The following TRPM8 variants were observed in gnomAD, a reference collection of about 807,000 sequenced individuals.
TRPM8 encodes transient receptor potential cation channel subfamily M member 8, also known as TRPM8 cationic channel.
TRPM8 carries 110 observed loss-of-function variants against 133.7 expected under a neutral mutation model. That is an observed-to-expected ratio of 0.82 (90% CI 0.70 to 0.96). The LOEUF (loss-of-function observed/expected upper bound fraction) is 0.96, where lower values mean the gene tolerates loss of function less well. TRPM8 is among the 40% of genes least tolerant of loss of function. The probability of loss-of-function intolerance (pLI) is 0.00; values close to 1 mark genes in which losing one functional copy is unlikely to be tolerated. For missense variants in TRPM8, 1,291 were observed against 1,379.5 expected, an observed-to-expected ratio of 0.94 and a Z score of 1.02; for synonymous variants, 535 against 532.3, an observed-to-expected ratio of 1.01 and a Z score of -0.07.
intron 3 of TRPM8, among the ~76,000 whole-genome samples, chr2:233,936,150 T>G (rs1367881920): frequency 2.6e-5 from 4 of 152,078 alleles, no homozygotes; most frequent in African/African-American, 9.7e-5. Context: ...AGGTGTTTTG[T>G]TTGTTTCTCT....
intron 3 of TRPM8, among the ~76,000 whole-genome samples, chr2:233,932,413 C>A (rs1691698619): frequency 6.6e-6 from 1 of 152,092 alleles, no homozygotes; most frequent in Non-Finnish European, 1.5e-5. Flanking sequence ...TTGCTTGGAG[C>A]ATGTGCCTAT....
intron 22 of TRPM8, 41 bp from the exon 23 acceptor site, chr2:234,006,812 A>T: frequency 6.7e-7 from 1 of 1,485,902 alleles, no homozygotes; most frequent in South Asian, 1.2e-5. Context: ...GCAAGGGGCA[A>T]ATGAAACAAT....
intron 17 of TRPM8, 24 bp downstream of exon 17, chr2:233,970,450 A>G (rs1341194532): frequency 3.1e-6 from 5 of 1,606,582 alleles, no homozygotes; most frequent in Non-Finnish European, 4.3e-6. Flanking sequence ...GACAGCAGGA[A>G]CCCCCTCGCT....
intron 17 of TRPM8, among the ~76,000 whole-genome samples, chr2:233,979,270 C>G (rs1380896174): frequency 2.0e-5 from 3 of 152,172 alleles, no homozygotes; most frequent in African/African-American, 7.2e-5. Flanking sequence ...TCATACCGAT[C>G]TTCGTGTCGT....
At chr2:234,004,951 G>T (rs937806572) in intron 22 of TRPM8, among the ~76,000 whole-genome samples, 13 of 152,114 alleles carry the variant, frequency 8.5e-5, no homozygotes, top group African/African-American at 3.1e-4. Flanking sequence ...CTTCAATCGT[G>T]GAGTAGTATT....
intron 17 of TRPM8, among the ~76,000 whole-genome samples, chr2:233,971,154 C>T (rs1309551443): frequency 6.6e-6 from 1 of 152,174 alleles, no homozygotes; most frequent in African/African-American, 2.4e-5. Flanking sequence ...CCCCTCTGAA[C>T]CTAAATGCAA....
chr2:233,948,416 C>A (rs6749354), intron 8 of TRPM8, among the ~76,000 whole-genome samples: 14 of 152,134 alleles, frequency 9.2e-5, no homozygotes, highest in African/African-American at 3.4e-4. Flanking sequence ...TATCCTACTG[C>A]TCAAGGTCAT....
At chr2:233,987,914 C>A (rs1486716448) in intron 21 of TRPM8, among the ~76,000 whole-genome samples, 2 of 151,842 alleles carry the variant, frequency 1.3e-5, no homozygotes, top group African/African-American at 4.8e-5. Flanking sequence ...TCCTCCTTGC[C>A]TTCCATCATG....
chr2:233,976,514 G>A (rs944228600), intron 17 of TRPM8, among the ~76,000 whole-genome samples: 4 of 152,152 alleles, frequency 2.6e-5, no homozygotes, highest in African/African-American at 7.2e-5. Context: ...GAAGGACAAC[G>A]TGCTGTGAGT....
intron 17 of TRPM8, among the ~76,000 whole-genome samples, chr2:233,971,952 C>T (rs1205338547): frequency 2.6e-5 from 4 of 152,072 alleles, no homozygotes; most frequent in African/African-American, 4.8e-5. Flanking sequence ...TTTGACAGGG[C>T]GCTGATTGGT....
intron 21 of TRPM8, among the ~76,000 whole-genome samples, chr2:233,988,348 A>G (rs1437640876): frequency 6.6e-6 from 1 of 151,860 alleles, no homozygotes; most frequent in Non-Finnish European, 1.5e-5. Flanking sequence ...TCCCCACTTC[A>G]CACAGAGACT....
intron 22 of TRPM8, among the ~76,000 whole-genome samples, chr2:233,998,649 G>A (rs1692469899): frequency 6.6e-6 from 1 of 151,284 alleles, no homozygotes; most frequent in Admixed American, 6.6e-5. Flanking sequence ...GTTAGGGTGA[G>A]CCGCCTGTGC....
At chr2:233,926,692 T>G (rs1474748174) in intron 2 of TRPM8, 38 bp downstream of exon 2, 1 of 1,488,000 alleles carries the variant, frequency 6.7e-7, no homozygotes, top group Admixed American at 1.7e-5. Context: ...AGGTTATCAT[T>G]GTAACCTTCG....
At position 233,930,713 on chromosome 2, in the gene TRPM8, G is replaced by A. The variant is rs1280506661; in HGVS notation, c.163G>A (p.Val55Ile). The change falls in exon 3 of 26, where the codon GTC becomes ATC. Residue 55 changes from valine (V) to isoleucine (I), a missense_variant. This residue lies in a region of TRPM8 where 963 missense variants were observed against 968.9 expected (regional missense o/e 0.99). Transcript: ENST00000324695. ...AGCAAATTTTAAGAAACGAGAATGTGTCTTCTTTACCAAAGATTCCAAGGC... is the reference window on the plus strand; with the variant it reads ...AGCAAATTTTAAGAAACGAGAATGTATCTTCTTTACCAAAGATTCCAAGGC... The part of the protein sequence containing the change: ...IQANFKKREC[V>I]FFTKDSKATE... The A allele has an allele frequency of 1.2e-6, 2 of 1,609,414 alleles. No homozygotes were observed. The highest frequency in any genetic ancestry group is 1.7e-6 in the Non-Finnish European group (2 of 1,176,916).
intron 12 of TRPM8, among the ~76,000 whole-genome samples, chr2:233,961,867 T>A (rs1450846356): frequency 6.6e-6 from 1 of 152,128 alleles, no homozygotes; most frequent in Non-Finnish European, 1.5e-5. Context: ...TGACCTCAGG[T>A]GATTTGCCTG....
In TRPM8 at chr2:234,006,848, T is replaced by C. The variant is rs200072334; in HGVS notation, c.3131-5T>C. 1.5e-4 allele frequency: 240 copies of C among 1,603,630 alleles called. No individual in the cohort carries two copies. Among genetic ancestry groups the C allele is most frequent in the Non-Finnish European group, 4.0e-5 (47 of 1,171,148 alleles). Reference sequence around the variant, plus strand: ...TTGAATGTTTTCTTTTTCTCATTATTCAAGGTTTCAAAAATGAAGACAATG... The same window carrying C: ...TTGAATGTTTTCTTTTTCTCATTATCCAAGGTTTCAAAAATGAAGACAATG... On this transcript the variant is annotated splice_region_variant and splice_polypyrimidine_tract_variant and intron_variant, in intron 22 of 25. Coordinates refer to ENST00000324695, the MANE Select transcript of TRPM8 (RefSeq NM_024080.5).
intron 22 of TRPM8, among the ~76,000 whole-genome samples, chr2:234,005,522 G>A (rs1692671173): frequency 6.6e-6 from 1 of 152,060 alleles, no homozygotes; most frequent in Admixed American, 6.6e-5. Context: ...AAACTTCTTT[G>A]TTGGGAAAAA....
chr2:234,012,954 T>TC (rs1692878701), intron 24 of TRPM8, among the ~76,000 whole-genome samples: 1 of 152,186 alleles, frequency 6.6e-6, no homozygotes, highest in Non-Finnish European at 1.5e-5. Flanking sequence ...CACCCTTGCA[T>TC]CCCAGGGCTA....
intron 2 of TRPM8, among the ~76,000 whole-genome samples, chr2:233,929,190 G>A (rs1175316873): frequency 1.3e-5 from 2 of 152,154 alleles, no homozygotes; most frequent in Non-Finnish European, 2.9e-5. Context: ...ATTCTTAGAT[G>A]TGGAAGTCAT....
Sources: gnomAD v4.1 joint callset for allele counts (sites outside exome capture counted in the v4.1 genomes callset) on GRCh38, gnomAD v4.1.1 for gene constraint, gnomAD v4.1.1 regional missense constraint, MANE v1.5 for transcripts, NCBI Gene and HGNC (gene_info 2026-07-23, HGNC 2026-07-21) for gene names.